Variants in GJB7 observed in about 807,000 individuals in gnomAD.
GJB7 encodes the protein gap junction protein beta 7.
For missense variants in GJB7, 253 were observed against 256.8 expected, an observed-to-expected ratio of 0.99 and a Z score of 0.10; for synonymous variants, 87 against 95.2, an observed-to-expected ratio of 0.91 and a Z score of 0.50.
intron 1 of GJB7, among the ~76,000 whole-genome samples, chr6:87,327,234 G>A (rs1357212981): frequency 6.8e-6 from 1 of 146,814 alleles, no homozygotes; most frequent in East Asian, 2.0e-4. Flanking sequence ...TTGCCAGTCT[G>A]TGTCTTTTAA....
chr6:87,323,438 C>T (rs770994535), intron 1 of GJB7, among the ~76,000 whole-genome samples: 1 of 117,142 alleles, frequency 8.5e-6, no homozygotes, highest in African/African-American at 3.3e-5. Context: ...CCCCACCCCA[C>T]AACAGACCTC....
At chr6:87,291,059 G>A (rs1010069022) in intron 2 of GJB7, among the ~76,000 whole-genome samples, 1 of 152,136 alleles carries the variant, frequency 6.6e-6, no homozygotes, top group Non-Finnish European at 1.5e-5. Flanking sequence ...AGTGGTAGAC[G>A]ACAAACAAGC....
intron 2 of GJB7, among the ~76,000 whole-genome samples, chr6:87,320,095 T>G (rs1332853080): frequency 6.6e-6 from 1 of 152,152 alleles, no homozygotes; most frequent in Non-Finnish European, 1.5e-5. Flanking sequence ...GAATAAGATC[T>G]AGTATTTGAT....
intron 2 of GJB7, among the ~76,000 whole-genome samples, chr6:87,301,170 C>CGGACAGTGGGTGCA (rs1582559574): frequency 6.6e-6 from 1 of 152,094 alleles, no homozygotes; most frequent in African/African-American, 2.4e-5. Context: ...TGGGGCTTGT[C>CGGACAGTGGGTGCA]GGACAGTGGG....
intron 2 of GJB7, among the ~76,000 whole-genome samples, chr6:87,297,085 G>A (rs1281300214): frequency 6.6e-6 from 1 of 152,198 alleles, no homozygotes; most frequent in Non-Finnish European, 1.5e-5. Context: ...TCTTTCTACT[G>A]TAATTTTTCC....
intron 2 of GJB7, among the ~76,000 whole-genome samples, chr6:87,285,185 G>A (rs756446459): frequency 2.0e-5 from 3 of 151,996 alleles, no homozygotes; most frequent in South Asian, 2.1e-4. Flanking sequence ...CTACCCCACC[G>A]CCCACTACCC....
At chr6:87,299,657 CA>C (rs1198366124) in intron 2 of GJB7, 1 of 177,402 alleles carries the variant, frequency 5.6e-6, no homozygotes, top group African/African-American at 2.4e-5. Flanking sequence ...GTCAAAGCTC[CA>C]GATTTTGGTG....
In GJB7 at chr6:87,284,043, G is replaced by A. The variant is rs3812130; in HGVS notation, c.*198C>T. The A allele has an allele frequency of 0.51, 287,188 of 564,066 alleles. 74,340 individuals are homozygous for A. The highest frequency in any genetic ancestry group is 0.63 in the Admixed American group (20,448 of 32,566). 34.9% of individuals were successfully genotyped at this position (564,066 alleles called of 1,614,324 possible). On this transcript the variant is annotated 3_prime_UTR_variant, in exon 3 of 3. Transcript: ENST00000525899. ...AAAAATTCCTCCCAAATGATACTAA[G>A]GCTGATGTGCTTTGTCTTCCAACTC...
intron 2 of GJB7, among the ~76,000 whole-genome samples, chr6:87,303,325 G>A (rs1266597589): frequency 6.6e-6 from 1 of 152,148 alleles, no homozygotes. Flanking sequence ...TAAAGGGATG[G>A]AGGAAGATCT....
At chr6:87,298,900 G>A in intron 2 of GJB7, 1 of 417,032 alleles carries the variant, frequency 2.4e-6, no homozygotes, top group East Asian at 5.9e-5. Flanking sequence ...TCAGGGTGTA[G>A]ACTTTTTAGC....
intron 2 of GJB7, chr6:87,291,869 C>T (rs1257785145): frequency 1.3e-5 from 2 of 151,878 alleles, no homozygotes; most frequent in Non-Finnish European, 2.9e-5. Context: ...GACAAAACTA[C>T]AAGAAATGCA....
At chr6:87,286,790 G>GT (rs762363771) in intron 2 of GJB7, among the ~76,000 whole-genome samples, 16 of 152,090 alleles carry the variant, frequency 1.1e-4, no homozygotes, top group Non-Finnish European at 2.1e-4. Flanking sequence ...TTTTGTCTTT[G>GT]TTTGCCTTAT....
At chr6:87,299,186 A>T (rs1174038658) in intron 2 of GJB7, 2 of 449,900 alleles carry the variant, frequency 4.4e-6, no homozygotes, top group Admixed American at 2.4e-5. Context: ...CAGAAGTGTG[A>T]TGTTAGCTGT....
intron 1 of GJB7, among the ~76,000 whole-genome samples, chr6:87,324,351 A>G (rs1293975698): frequency 6.6e-6 from 1 of 152,126 alleles, no homozygotes; most frequent in Admixed American, 6.5e-5. Context: ...GCCCATGCCT[A>G]TGTCCTGAAT....
intron 2 of GJB7, among the ~76,000 whole-genome samples, chr6:87,301,764 C>G (rs988506144): frequency 6.6e-6 from 1 of 152,226 alleles, no homozygotes; most frequent in Non-Finnish European, 1.5e-5. Context: ...AGTAGCCTAA[C>G]TGGGAGGCAT....
intron 2 of GJB7, among the ~76,000 whole-genome samples, chr6:87,302,030 C>G (rs112904557): frequency 0.082 from 12,519 of 152,108 alleles, 868 homozygotes; most frequent in African/African-American, 0.19. Flanking sequence ...CCCATCTGTA[C>G]GTCAAAATCA....
intron 2 of GJB7, chr6:87,291,836 A>G (rs901777968): frequency 6.6e-6 from 1 of 152,206 alleles, no homozygotes; most frequent in Admixed American, 6.5e-5. Context: ...AAACTACAAG[A>G]AATGCAATTT....
chr6:87,309,003 T>A (rs748534830), intron 2 of GJB7, among the ~76,000 whole-genome samples: 1 of 152,228 alleles, frequency 6.6e-6, no homozygotes, highest in African/African-American at 2.4e-5. Context: ...ATGAATCATC[T>A]GTAATGAATA....
At chr6:87,314,424 T>C (rs886331787) in intron 2 of GJB7, among the ~76,000 whole-genome samples, 25 of 152,198 alleles carry the variant, frequency 1.6e-4, no homozygotes, top group African/African-American at 6.0e-4. Context: ...TAGGGGTTTC[T>C]TTGTGTTTTT....
Sources: allele counts gnomAD v4.1 joint callset (sites outside exome capture counted in the v4.1 genomes callset), GRCh38; gene constraint gnomAD v4.1.1; transcripts MANE v1.5; gene names NCBI Gene and HGNC (gene_info 2026-07-23, HGNC 2026-07-21).